SSH2: variants seen among roughly 807,000 people sequenced by gnomAD.
The protein encoded by SSH2 is protein phosphatase Slingshot homolog 2.
In SSH2, 37 loss-of-function variants were observed where a neutral mutation model predicts 135.2. The ratio of observed to expected loss-of-function variants is 0.27; its 90% CI spans 0.21 to 0.36. The LOEUF is 0.36. SSH2 is among the 10% of genes least tolerant of loss of function. SSH2 has a pLI of 1.00. For synonymous variants in SSH2, 628 were observed against 646.2 expected, an observed-to-expected ratio of 0.97 and a Z score of 0.43; for missense variants, 1,408 against 1,765.3, an observed-to-expected ratio of 0.80 and a Z score of 3.63.
Position 29,632,484 on chromosome 17 carries a change from A to G in SSH2, c.2710T>C (p.Leu904=). Residue 904 remains leucine, a synonymous_variant, in exon 16 of 16, where the codon TTA becomes CTA. Coordinates refer to ENST00000540801, the MANE Select transcript of SSH2 (RefSeq NM_001282129.2). The stretch of plus-strand genomic sequence containing the variant: ...CCATGATGCTCTTGCTCCTGCCGTA[A>G]GCGCTCTTCGAACTCCAAGGTGGCT... ...RRATLEFEER[L]RQEQEHHGAA... The G allele has an allele frequency of 6.2e-7, 1 of 1,614,184 alleles. No individual in the cohort carries two copies. Among genetic ancestry groups the G allele is most frequent in the African/African-American group, 1.3e-5 (1 of 75,028 alleles).
At chr17:29,806,605 G>A (rs975485341) in intron 2 of SSH2, among the ~76,000 whole-genome samples, 1 of 152,158 alleles carries the variant, frequency 6.6e-6, no homozygotes, top group Non-Finnish European at 1.5e-5. Context: ...AATAGTGACT[G>A]CCTGGAGCCC....
chr17:29,928,520 T>TA (rs2151495315), intron 1 of SSH2: 2 of 398,588 alleles, frequency 5.0e-6, no homozygotes, highest in South Asian at 1.3e-4. Context: ...ACTCCACTGT[T>TA]ACAAATTCTT....
chr17:29,680,929 A>G (rs374042883), intron 6 of SSH2, among the ~76,000 whole-genome samples: 1 of 152,142 alleles, frequency 6.6e-6, no homozygotes, highest in East Asian at 1.9e-4. Flanking sequence ...GAAGCTGCAA[A>G]AGAGTGTGAT....
chr17:29,882,138 ATGATGTCTGGAGCATACTCAC>A (rs1429233824), intron 1 of SSH2, among the ~76,000 whole-genome samples: 1 of 152,228 alleles, frequency 6.6e-6, no homozygotes, highest in Non-Finnish European at 1.5e-5. Flanking sequence ...TATTTGGAAA[ATGATGTCTGGAGCATACTCAC>A]TGATGTCTGG....
intron 3 of SSH2, among the ~76,000 whole-genome samples, chr17:29,727,915 T>C (rs531401007): frequency 6.6e-6 from 1 of 152,166 alleles, no homozygotes; most frequent in Admixed American, 6.5e-5. Context: ...GCGCGATCGC[T>C]CACACCTGTA....
At chr17:29,666,365 C>A (rs981753085) in intron 11 of SSH2, among the ~76,000 whole-genome samples, 6 of 151,668 alleles carry the variant, frequency 4.0e-5, no homozygotes, top group African/African-American at 9.7e-5. Context: ...CAGAGCGAGA[C>A]CCTGTTTCAA....
intron 3 of SSH2, among the ~76,000 whole-genome samples, chr17:29,746,537 G>T (rs1340551565): frequency 9.7e-6 from 1 of 103,100 alleles, no homozygotes; most frequent in East Asian, 3.0e-4. Context: ...GACAGAGTGA[G>T]ACTCTGTCTC....
rs1370482014 is a variant in SSH2 at position 29,628,269 on chromosome 17, T to C, written c.*2572A>G. On this transcript the variant is annotated 3_prime_UTR_variant, in exon 16 of 16. Coordinates refer to ENST00000540801, the MANE Select transcript of SSH2 (RefSeq NM_001282129.2). ...TGTTTATTTAGGCAGGTAAATTAAA[T>C]GATAAAAAAAGTAATTATAAAAAGG... 1 of 152,222 alleles carries C rather than the reference T, an allele frequency of 6.6e-6. No individual in the cohort carries two copies. The highest frequency in any genetic ancestry group is 1.5e-5 in the Non-Finnish European group (1 of 68,040). 9.4% of individuals were successfully genotyped at this position (152,222 alleles called of 1,614,324 possible). A position where few individuals can be genotyped will look rare whatever the true frequency, so the allele number is the denominator to read the frequency against.
intron 3 of SSH2, among the ~76,000 whole-genome samples, chr17:29,770,231 C>G (rs1486504513): frequency 6.6e-6 from 1 of 151,332 alleles, no homozygotes; most frequent in Non-Finnish European, 1.5e-5. Context: ...GCCTCAACCT[C>G]CTGAGTAGCT....
intron 14 of SSH2, among the ~76,000 whole-genome samples, chr17:29,646,735 T>C (rs928263064): frequency 2.0e-5 from 3 of 151,812 alleles, no homozygotes; most frequent in African/African-American, 4.8e-5. Context: ...CCCGACCTTG[T>C]GATCCGCCCG....
Position 29,695,542 on chromosome 17 carries a change from C to G in SSH2, c.293-19G>C. 1 of 1,600,396 alleles carries G rather than the reference C, an allele frequency of 6.2e-7. No individual in the cohort carries two copies. The stretch of plus-strand genomic sequence containing the variant: ...AGATCGCCTGGTGAAATTTACAAAC[C>G]AAAGGATAATTATTCTCCATTCTAA... On this transcript the variant is annotated intron_variant, in intron 4 of 15. Coordinates refer to ENST00000540801, the MANE Select transcript of SSH2 (RefSeq NM_001282129.2).
rs560037525 is a variant in SSH2 at position 29,647,131 on chromosome 17, G to A, written c.1427+1013C>T. On this transcript the variant is annotated intron_variant, in intron 14 of 15. Coordinates refer to ENST00000540801, the MANE Select transcript of SSH2 (RefSeq NM_001282129.2). ...CAAAAAATTAGCCAGGCATGGTGGC[G>A]GGCACCTGTAGTCCCAGCTACTCGG... 2.6e-3 allele frequency among the ~76,000 whole-genome samples: 399 copies of A among 151,798 alleles called. 1 individual carries two copies. Among genetic ancestry groups the A allele is most frequent in the African/African-American group, 9.2e-3 (382 of 41,434 alleles).
At position 29,631,125 on chromosome 17, in the gene SSH2, T is replaced by A; in HGVS notation, c.4069A>T (p.Thr1357Ser). Residue 1357 changes from threonine (T) to serine (S), a missense_variant, in exon 16 of 16, where the codon ACA becomes TCA. Physicochemically the swap from Thr to Ser is moderately conservative, Grantham distance 58 (BLOSUM62 1). Coordinates refer to ENST00000540801, the MANE Select transcript of SSH2 (RefSeq NM_001282129.2). ...TKSFVEQLTT[T>S]ECIVQSKPVE... ...GGCTTGCTCTGCACAATACACTCTG[T>A]TGTTGTGAGTTGTTCTACAAAAGAC... 6.2e-7 allele frequency: 1 copy of A among 1,614,160 alleles called. No homozygotes were observed. The highest frequency in any genetic ancestry group is 8.5e-7 in the Non-Finnish European group (1 of 1,180,024).
intron 1 of SSH2, among the ~76,000 whole-genome samples, chr17:29,899,882 T>A (rs1399857422): frequency 6.6e-6 from 1 of 152,270 alleles, no homozygotes; most frequent in African/African-American, 2.4e-5. Flanking sequence ...CTTCAAACTA[T>A]GCTACAAGGC....
chr17:29,816,923 T>C (rs2042569404), intron 2 of SSH2, among the ~76,000 whole-genome samples: 1 of 152,142 alleles, frequency 6.6e-6, no homozygotes, highest in Admixed American at 6.6e-5. Flanking sequence ...AAAAAATTAA[T>C]TGGCAACTTA....
chr17:29,654,382 T>C (rs1391409767), intron 12 of SSH2, among the ~76,000 whole-genome samples: 1 of 151,518 alleles, frequency 6.6e-6, no homozygotes, highest in Admixed American at 6.6e-5. Flanking sequence ...GTATAATCAT[T>C]TGGCTTAAGT....
chr17:29,645,142 C>T (rs1229508318), intron 14 of SSH2: 1 of 152,156 alleles, frequency 6.6e-6, no homozygotes, highest in Non-Finnish European at 1.5e-5. Flanking sequence ...CTCAACAATA[C>T]GTAATAAACA....
At chr17:29,910,855 G>T (rs1462006595) in intron 1 of SSH2, among the ~76,000 whole-genome samples, 3 of 152,096 alleles carry the variant, frequency 2.0e-5, no homozygotes, top group Non-Finnish European at 2.9e-5. Flanking sequence ...CTTATTATTT[G>T]TATGGGATTG....
At chr17:29,725,279 C>T (rs1174612016) in intron 3 of SSH2, among the ~76,000 whole-genome samples, 7 of 139,146 alleles carry the variant, frequency 5.0e-5, no homozygotes, top group Non-Finnish European at 9.1e-5. Flanking sequence ...CCCAGGACGC[C>T]GAGGTTGCAG....
Sources: gnomAD v4.1 joint callset for allele counts (sites outside exome capture counted in the v4.1 genomes callset) on GRCh38, gnomAD v4.1.1 for gene constraint, MANE v1.5 for transcripts, NCBI Gene and HGNC (gene_info 2026-07-23, HGNC 2026-07-21) for gene names.